The following GPHN variants were observed in gnomAD, a reference collection of about 807,000 sequenced individuals.
The protein encoded by GPHN is gephyrin.
Under a neutral mutation model 95.5 loss-of-function variants are expected in GPHN, and 17 were observed. The observed-to-expected ratio is 0.18, with a 90% confidence interval of 0.12 to 0.27. The LOEUF is 0.27. Ranked by LOEUF, GPHN falls within the 10% of genes least tolerant of loss-of-function variation. GPHN has a pLI of 1.00. For missense variants in GPHN, 660 were observed against 978.1 expected (o/e 0.67, Z 4.34); for synonymous variants, 320 against 322.5 (o/e 0.99, Z 0.08).
the GPHN span, chr14:67,656,513 C>A: frequency 6.2e-7 from 1 of 1,613,972 alleles, no homozygotes; most frequent in Non-Finnish European, 8.5e-7. Context: ...CCGATGAGAA[C>A]GTTCAATACT....
intron 2 of GPHN, among the ~76,000 whole-genome samples, chr14:66,766,471 A>G (rs1235324882): frequency 1.3e-5 from 2 of 152,206 alleles, no homozygotes; most frequent in African/African-American, 2.4e-5. Flanking sequence ...GATATATTGA[A>G]TGAAACACTA....
chr14:66,737,998 G>A (rs755225498), intron 2 of GPHN, among the ~76,000 whole-genome samples: 12 of 152,278 alleles, frequency 7.9e-5, no homozygotes, highest in South Asian at 2.1e-4. Context: ...TTACCCAAAA[G>A]TAGAATTAGA....
chr14:66,752,949 A>AG (rs1294684107), intron 2 of GPHN, among the ~76,000 whole-genome samples: 35 of 149,600 alleles, frequency 2.3e-4, no homozygotes, highest in African/African-American at 7.0e-4. Context: ...AAAAAAAAAA[A>AG]AGAGAAGAGA....
the GPHN span, chr14:67,587,755 C>T: frequency 6.2e-6 from 1 of 161,824 alleles, no homozygotes; most frequent in Non-Finnish European, 1.4e-5. Flanking sequence ...ACCATGTTGG[C>T]CAGGCTGGTC....
chr14:66,729,499 A>G (rs1436611275), intron 2 of GPHN, among the ~76,000 whole-genome samples: 3 of 152,178 alleles, frequency 2.0e-5, no homozygotes, highest in African/African-American at 7.2e-5. Flanking sequence ...TTTTGGTTAT[A>G]GCGATCTACG....
the GPHN span, among the ~76,000 whole-genome samples, chr14:67,493,451 AC>A: frequency 1.3e-5 from 2 of 151,966 alleles, no homozygotes; most frequent in East Asian, 3.8e-4. Context: ...AGGGATAAAA[AC>A]CCCTGCTCTC....
chr14:66,728,452 A>G (rs1390876474), intron 2 of GPHN, among the ~76,000 whole-genome samples: 1 of 152,250 alleles, frequency 6.6e-6, no homozygotes, highest in African/African-American at 2.4e-5. Context: ...AGCCCATGGC[A>G]GCAGCCAGGA....
At chr14:66,704,578 A>C (rs973865228) in intron 2 of GPHN, among the ~76,000 whole-genome samples, 1 of 152,150 alleles carries the variant, frequency 6.6e-6, no homozygotes, top group African/African-American at 2.4e-5. Flanking sequence ...AAATAATGAA[A>C]TTAAGGCAGA....
At chr14:67,089,133 C>CATTTTTTTTTTTTTTTTTTTTTTT in intron 12 of GPHN, 58 bp downstream of exon 12, 1 of 198,576 alleles carries the variant, frequency 5.0e-6, no homozygotes, top group Non-Finnish European at 7.8e-6. Context: ...TTCTTTTTTT[C>CATTTTTTTTTTTTTTTTTTTTTTT]TTTTTTTTTT....
the GPHN span, among the ~76,000 whole-genome samples, chr14:67,407,738 G>A: frequency 1.3e-5 from 2 of 152,016 alleles, no homozygotes; most frequent in Non-Finnish European, 2.9e-5. Context: ...CACCACACCC[G>A]GCAGACCCCT....
At chr14:66,978,590 T>C (rs2070418986) in intron 9 of GPHN, among the ~76,000 whole-genome samples, 1 of 152,166 alleles carries the variant, frequency 6.6e-6, no homozygotes, top group Non-Finnish European at 1.5e-5. Context: ...CCCCTTCTAA[T>C]TGTAGTTCTT....
intron 17 of GPHN, among the ~76,000 whole-genome samples, chr14:67,140,975 CA>C (rs2080421571): frequency 7.8e-6 from 1 of 128,016 alleles, no homozygotes; most frequent in Non-Finnish European, 1.5e-5. Context: ...AAATTTATGT[CA>C]GGGTTTTTTT....
At chr14:67,413,529 C>T in the GPHN span, among the ~76,000 whole-genome samples, 1 of 152,188 alleles carries the variant, frequency 6.6e-6, no homozygotes, top group African/African-American at 2.4e-5. Flanking sequence ...TTGTGGAAGG[C>T]GGGGGGTGCC....
intron 16 of GPHN, among the ~76,000 whole-genome samples, chr14:67,118,184 T>TG (rs1412006399): frequency 6.6e-6 from 1 of 152,208 alleles, no homozygotes; most frequent in Non-Finnish European, 1.5e-5. Flanking sequence ...CGTGTATATA[T>TG]GGGACATACC....
chr14:66,801,275 G>C (rs113081443), intron 3 of GPHN, among the ~76,000 whole-genome samples: 70 of 151,992 alleles, frequency 4.6e-4, no homozygotes, highest in African/African-American at 1.4e-3. Context: ...TCTGTGTCTG[G>C]GCATTAAAGT....
intron 1 of GPHN, chr14:66,508,971 T>C (rs563690888): frequency 1.2e-5 from 4 of 323,830 alleles, no homozygotes; most frequent in African/African-American, 8.8e-5. Context: ...GGGCGCATCC[T>C]CCGCTAGTGC....
chr14:67,247,345 T>G, the GPHN span, among the ~76,000 whole-genome samples: 1 of 152,194 alleles, frequency 6.6e-6, no homozygotes. Context: ...AGAAATTAAT[T>G]TTTGTATATT....
chr14:67,401,294 C>G, the GPHN span, among the ~76,000 whole-genome samples: 1 of 151,682 alleles, frequency 6.6e-6, no homozygotes, highest in African/African-American at 2.4e-5. Context: ...TGAGGCCAGC[C>G]TCAGCAACAT....
chr14:67,135,467 A>T (rs2080020078), intron 17 of GPHN, among the ~76,000 whole-genome samples: 1 of 152,182 alleles, frequency 6.6e-6, no homozygotes, highest in Non-Finnish European at 1.5e-5. Context: ...GAATGACTGG[A>T]TGTAAGATTT....
Sources: gnomAD v4.1 joint callset for allele counts (sites outside exome capture counted in the v4.1 genomes callset) on GRCh38, gnomAD v4.1.1 for gene constraint, MANE v1.5 for transcripts, NCBI Gene and HGNC (gene_info 2026-07-23, HGNC 2026-07-21) for gene names.